UBR4: variants seen among roughly 807,000 people sequenced by gnomAD.
UBR4 encodes ubiquitin protein ligase E3 component n-recognin 4, also known as E3 ubiquitin-protein ligase UBR4.
A neutral mutation model predicts 575.6 loss-of-function variants in UBR4; 124 were observed. The observed-to-expected ratio is 0.22, with a 90% CI of 0.19 to 0.25. The LOEUF (loss-of-function observed/expected upper bound fraction) is 0.25. UBR4 is among the 10% of genes least tolerant of loss of function. UBR4 has a pLI of 1.00. For synonymous variants in UBR4, 2,455 were observed against 2,473.7 expected (o/e 0.99, Z 0.22); for missense variants, 4,818 against 6,478.8 (o/e 0.74, Z 8.80).
intron 51 of UBR4, among the ~76,000 whole-genome samples, chr1:19,147,569 C>A (rs1433446424): frequency 2.0e-5 from 3 of 152,196 alleles, no homozygotes; most frequent in African/African-American, 7.2e-5. Context: ...ATGTTCCCAT[C>A]AGAGGCACTC....
Position 19,117,914 on chromosome 1 carries a change from A to T in UBR4, c.10542-4T>A. 1 of 1,613,958 alleles carries T rather than the reference A, an allele frequency of 6.2e-7. No homozygotes were observed. The highest frequency in any genetic ancestry group is 1.3e-5 in the African/African-American group (1 of 75,068). On this transcript the variant is annotated splice_region_variant and splice_polypyrimidine_tract_variant and intron_variant, in intron 71 of 105. Transcript: ENST00000375254. This position sits in a 1 kb window ranked among gnomAD's most constrained non-coding sequence, Gnocchi z 4.0. ...CTCCACTAAGCCAGACAAAGTGCTAAGGAAGAAACCAGTCTTAGCATGAAC... is the reference window on the plus strand; with the variant it reads ...CTCCACTAAGCCAGACAAAGTGCTATGGAAGAAACCAGTCTTAGCATGAAC...
At chr1:19,141,005 T>TA in intron 57 of UBR4, 113 bp from the exon 58 acceptor site, 1 of 1,148,148 alleles carries the variant, frequency 8.7e-7, no homozygotes, top group Non-Finnish European at 1.2e-6. Context: ...TGACCCCCTC[T>TA]GGCCTAGAGG....
In UBR4 at chr1:19,210,198, C is replaced by A; in HGVS notation, c.51G>T (p.Gly17=). ...EEAAAAAPAP[G]TPATGADTTP... ...TCGTGTCCGCCCCCGTTGCCGGGGT[C>A]CCCGGCGCCGGAGCCGCTGCCGCCG... Residue 17 remains glycine (G), a synonymous_variant, in exon 1 of 106, where the codon GGG becomes GGT. Transcript: ENST00000375254. 2 of 1,472,420 alleles carry A rather than the reference C, an allele frequency of 1.4e-6. No homozygotes were observed. The highest frequency in any genetic ancestry group is 1.8e-6 in the Non-Finnish European group (2 of 1,116,400). 91.2% of individuals were successfully genotyped at this position (1,472,420 alleles called of 1,614,324 possible).
Position 19,081,586 on chromosome 1 carries a change from CG to C in UBR4, c.15009-14del. 6.2e-7 allele frequency: 1 copy of C among 1,613,780 alleles called. No homozygotes were observed. Among genetic ancestry groups the C allele is most frequent in the South Asian group, 1.1e-5 (1 of 91,058 alleles). On this transcript the variant is annotated splice_polypyrimidine_tract_variant and intron_variant, in intron 102 of 105. Transcript: ENST00000375254. ...AGTTGCTCGGGTTCTAGAAGAAAAG[CG>C]GCATGATAAAATAAAAGCAGGGTGG...
intron 70 of UBR4, 98 bp downstream of exon 70, chr1:19,119,459 G>A: frequency 6.7e-7 from 1 of 1,481,618 alleles, no homozygotes; most frequent in East Asian, 2.3e-5. Context: ...TTTCCTATAT[G>A]GACTCCCTAT....
chr1:19,165,411 C>T lies in UBR4; in HGVS notation c.4212-62G>A, dbSNP rs1166284751. 8.6e-6 allele frequency: 12 copies of T among 1,400,382 alleles called. No individual in the cohort carries two copies. The South Asian group carries it at 1.3e-4, about 15-fold the overall frequency. 86.7% of individuals were successfully genotyped at this position (1,400,382 alleles called of 1,614,324 possible). On this transcript the variant is annotated intron_variant, in intron 30 of 105. Coordinates refer to ENST00000375254, the MANE Select transcript of UBR4 (RefSeq NM_020765.3). ...CATTAAAGCCCCACATAAAAAGCAT[C>T]CTTTCTTCACAATCTCATCTCCTCT...
rs757359807 is a variant in UBR4, at chr1:19,114,103, C to T, written c.11203-33G>A. On this transcript the variant is annotated intron_variant, in intron 75 of 105. Coordinates refer to ENST00000375254, the MANE Select transcript of UBR4 (RefSeq NM_020765.3). ...GGAAAAGACAGGGACTGAGTGAAGG[C>T]TTTTTGGCTGATGACTTTCCCTGAG... The T allele has an allele frequency of 8.8e-6, 14 of 1,596,656 alleles. No individual in the cohort carries two copies. In the South Asian group the frequency reaches 1.5e-4, roughly 18 times the overall value.
intron 56 of UBR4, 26 bp downstream of exon 56, chr1:19,141,616 TCCTCC>T (rs1374930750): frequency 6.2e-6 from 10 of 1,611,610 alleles, no homozygotes; most frequent in Non-Finnish European, 8.5e-6. Context: ...GTGAAGCTCC[TCCTCC>T]CCTTCTCCTG....
Position 19,122,731 on chromosome 1 carries a change from C to T in UBR4, c.9816+102G>A, listed in dbSNP as rs148538389. The stretch of plus-strand genomic sequence containing the variant: ...TCAGCCCTAACCATGCCATTGTCAA[C>T]ACAGTTAAAAGTCCTGCATTATTAC... On this transcript the variant is annotated intron_variant, in intron 66 of 105. Coordinates refer to ENST00000375254, the MANE Select transcript of UBR4 (RefSeq NM_020765.3). 3.7e-4 allele frequency: 481 copies of T among 1,302,758 alleles called. 3 individuals carry two copies. The East Asian group carries it at 0.011, about 29-fold the overall frequency. 80.7% of individuals were successfully genotyped at this position (1,302,758 alleles called of 1,614,324 possible).
chr1:19,153,607 G>A lies in UBR4; in HGVS notation c.6631-105C>T. 2.0e-6 allele frequency: 3 copies of A among 1,500,590 alleles called. No homozygotes were observed. The highest frequency in any genetic ancestry group is 2.7e-6 in the Non-Finnish European group (3 of 1,091,952). 93.0% of individuals were successfully genotyped at this position (1,500,590 alleles called of 1,614,324 possible). On this transcript the variant is annotated intron_variant, in intron 45 of 105. Coordinates refer to ENST00000375254, the MANE Select transcript of UBR4 (RefSeq NM_020765.3). The surrounding 1 kb of genome is among the most constrained non-coding windows in gnomAD (Gnocchi z 4.1). ...AACTGGTTTCATGGTCAGTTGAGGG[G>A]CTGTACAGAAGGGTGGCAAAGAAAA...
At chr1:19,103,726 T>G (rs910844414) in intron 87 of UBR4, among the ~76,000 whole-genome samples, 1 of 151,942 alleles carries the variant, frequency 6.6e-6, no homozygotes, top group Non-Finnish European at 1.5e-5. Context: ...GATGGAGAGA[T>G]ATGGATGACA....
Position 19,081,113 on chromosome 1 carries a change from T to C in UBR4, c.15233+236A>G, listed in dbSNP as rs971660812. 2.6e-5 allele frequency: 12 copies of C among 463,866 alleles called. No homozygotes were observed. The Admixed American group carries it at 4.5e-4, about 17-fold the overall frequency. The allele number at this position is 463,866 out of a possible 1,614,324, so 28.7% of individuals were successfully genotyped here. A position where few individuals can be genotyped will look rare whatever the true frequency, so the allele number is the denominator to read the frequency against. On this transcript the variant is annotated intron_variant, in intron 103 of 105. Transcript: ENST00000375254. ...GCTGCCTTCCTAACATTTTCTACAG[T>C]AGGTAAGACTGGCTCTACCTTTCTA... is the stretch of plus-strand genomic sequence containing the variant.
chr1:19,190,312 A>AAAAAAAAAAAAAAAAAATAT, intron 11 of UBR4, among the ~76,000 whole-genome samples: 3 of 79,920 alleles, frequency 3.8e-5, no homozygotes, highest in African/African-American at 1.6e-4. Context: ...AAAAAAAAAA[A>AAAAAAAAAAAAAAAAAATAT]ATATATATAT....
intron 22 of UBR4, 96 bp from the exon 23 acceptor site, chr1:19,173,717 A>C (rs1305454368): frequency 8.4e-7 from 1 of 1,192,066 alleles, no homozygotes; most frequent in African/African-American, 1.5e-5. Flanking sequence ...TTTAAACCAG[A>C]ACTGTATAGA....
At chr1:19,150,492 G>C in intron 49 of UBR4, 85 bp downstream of exon 49, 1 of 1,446,104 alleles carries the variant, frequency 6.9e-7, no homozygotes, top group Non-Finnish European at 9.6e-7. Flanking sequence ...ATGGTTATTA[G>C]AAGCTGGCTC....
At chr1:19,199,971 ATACT>A (rs1041663789) in intron 2 of UBR4, among the ~76,000 whole-genome samples, 2 of 152,248 alleles carry the variant, frequency 1.3e-5, no homozygotes, top group African/African-American at 2.4e-5. Flanking sequence ...ATAATAGGAA[ATACT>A]TACATCACAC....
intron 39 of UBR4, among the ~76,000 whole-genome samples, chr1:19,159,443 C>T (rs1225510280): frequency 6.6e-6 from 1 of 152,068 alleles, no homozygotes; most frequent in Non-Finnish European, 1.5e-5. Context: ...AGAGAAGATA[C>T]AATAAAGTTC....
intron 17 of UBR4, among the ~76,000 whole-genome samples, chr1:19,181,000 A>T (rs2090887672): frequency 6.6e-6 from 1 of 152,136 alleles, no homozygotes; most frequent in South Asian, 2.1e-4. Context: ...TACTTCAAAA[A>T]TTGCCCCAAT....
intron 30 of UBR4, 88 bp from the exon 31 acceptor site, chr1:19,165,437 G>A: frequency 2.4e-6 from 3 of 1,253,472 alleles, no homozygotes; most frequent in Non-Finnish European, 1.1e-6. Flanking sequence ...CATCTCCTCT[G>A]GGGAAAATGA....
Sources: gnomAD v4.1 joint callset for allele counts (sites outside exome capture counted in the v4.1 genomes callset) on GRCh38, gnomAD v4.1.1 for gene constraint, Gnocchi (gnomAD v3.1) non-coding constraint, MANE v1.5 for transcripts, NCBI Gene and HGNC (gene_info 2026-07-23, HGNC 2026-07-21) for gene names.